The following DPYSL2 variants were observed in gnomAD, a reference collection of about 807,000 sequenced individuals.
DPYSL2 encodes dihydropyrimidinase like 2.
In DPYSL2, 13 loss-of-function variants were observed where a neutral mutation model predicts 69.9. The observed-to-expected ratio is 0.19, with a 90% confidence interval of 0.12 to 0.30. The LOEUF is 0.30. DPYSL2 is among the 10% of genes least tolerant of loss of function. The probability of loss-of-function intolerance (pLI) is 1.00; values close to 1 mark genes in which losing one functional copy is unlikely to be tolerated. For missense variants in DPYSL2, 587 were observed against 918.9 expected (o/e 0.64, Z 4.67); for synonymous variants, 326 against 359.1 (o/e 0.91, Z 1.04).
At chr8:26,584,613 CTTTTTTTTTTTTT>C (rs35587383) in intron 3 of DPYSL2, among the ~76,000 whole-genome samples, 1 of 100,138 alleles carries the variant, frequency 1.0e-5, no homozygotes, top group Non-Finnish European at 2.0e-5. Context: ...GGGCTTTGTG[CTTTTTTTTTTTTT>C]TTTTTTTTTT....
chr8:26,545,447 G>A (rs1003729251), intron 1 of DPYSL2, among the ~76,000 whole-genome samples: 2 of 152,148 alleles, frequency 1.3e-5, no homozygotes, highest in Non-Finnish European at 2.9e-5. Flanking sequence ...AATTTAAAAA[G>A]TGTCTTAGCG....
At chr8:26,568,868 GA>G (rs1365215286) in intron 1 of DPYSL2, among the ~76,000 whole-genome samples, 1 of 152,162 alleles carries the variant, frequency 6.6e-6, no homozygotes, top group Non-Finnish European at 1.5e-5. Context: ...GTGCGGGATT[GA>G]AAAGAGGAAC....
chr8:26,611,666 TCTGCATGGACC>T (rs1563409046), intron 3 of DPYSL2, among the ~76,000 whole-genome samples: 1 of 152,184 alleles, frequency 6.6e-6, no homozygotes, highest in Non-Finnish European at 1.5e-5. Flanking sequence ...TTGGAGAAAT[TCTGCATGGACC>T]TGAAGTTTGA....
intron 1 of DPYSL2, among the ~76,000 whole-genome samples, chr8:26,551,873 G>T (rs950637951): frequency 1.3e-5 from 2 of 152,132 alleles, no homozygotes; most frequent in Non-Finnish European, 2.9e-5. Context: ...GAGTGTAGTG[G>T]CATAATCATA....
At chr8:26,630,040 A>G (rs1802727758) in intron 7 of DPYSL2, among the ~76,000 whole-genome samples, 1 of 151,960 alleles carries the variant, frequency 6.6e-6, no homozygotes, top group Admixed American at 6.5e-5. Flanking sequence ...GACACATTTT[A>G]GCATACGCAC....
At chr8:26,529,276 C>CTATCTATCATCTATCTATCT (rs1554531948) in intron 1 of DPYSL2, among the ~76,000 whole-genome samples, 2 of 136,390 alleles carry the variant, frequency 1.5e-5, no homozygotes, top group African/African-American at 5.6e-5. Context: ...ATCTATCTAT[C>CTATCTATCATCTATCTATCT]ATCTATCTAT....
At chr8:26,555,760 A>C (rs1800935526) in intron 1 of DPYSL2, among the ~76,000 whole-genome samples, 2 of 150,384 alleles carry the variant, frequency 1.3e-5, no homozygotes, top group African/African-American at 2.5e-5. Context: ...GGGGGCGTGC[A>C]CCTGTAGTCC....
At chr8:26,520,690 T>C (rs755355923) in intron 1 of DPYSL2, among the ~76,000 whole-genome samples, 2 of 152,242 alleles carry the variant, frequency 1.3e-5, no homozygotes, top group Non-Finnish European at 2.9e-5. Context: ...CAGTGTAATT[T>C]TTCTACTTGA....
intron 1 of DPYSL2, among the ~76,000 whole-genome samples, chr8:26,542,513 G>A (rs187730642): frequency 3.6e-4 from 55 of 151,926 alleles, no homozygotes; most frequent in African/African-American, 9.7e-4. Context: ...CCTCAACCTC[G>A]TGGGCTCAAG....
chr8:26,526,982 T>A (rs1808488952), intron 1 of DPYSL2, among the ~76,000 whole-genome samples: 1 of 152,252 alleles, frequency 6.6e-6, no homozygotes, highest in Non-Finnish European at 1.5e-5. Flanking sequence ...CAGATGAGAC[T>A]GAGGCTAATG....
rs1029426327 is a variant in DPYSL2, at chr8:26,652,087, G to A, written c.1597-170G>A. ...AAAAAGTTATTTCATATTCTAGACA[G>A]GGAAATGGAGACACAGCAAGTAAGT... On this transcript the variant is annotated intron_variant, in intron 11 of 13. Coordinates refer to ENST00000521913, the MANE Select transcript of DPYSL2 (RefSeq NM_001197293.3). This position sits in a 1 kb window ranked among gnomAD's most constrained non-coding sequence, Gnocchi z 6.3. Among the ~76,000 whole-genome samples, 4 of 152,156 alleles carry A rather than the reference G, an allele frequency of 2.6e-5. No homozygotes were observed. The highest frequency in any genetic ancestry group is 5.9e-5 in the Non-Finnish European group (4 of 68,024).
At chr8:26,634,948 G>T in intron 8 of DPYSL2, 48 bp downstream of exon 8, 1 of 1,609,862 alleles carries the variant, frequency 6.2e-7, no homozygotes, top group South Asian at 1.1e-5. Context: ...GAGGTTTGGA[G>T]GGGAGGGGGG....
intron 8 of DPYSL2, among the ~76,000 whole-genome samples, chr8:26,638,582 T>C (rs927217134): frequency 6.6e-6 from 1 of 152,150 alleles, no homozygotes; most frequent in Non-Finnish European, 1.5e-5. Flanking sequence ...CATCAGCCGC[T>C]CTGTGGCTGT....
intron 8 of DPYSL2, among the ~76,000 whole-genome samples, chr8:26,638,594 C>A (rs1585565972): frequency 6.6e-6 from 1 of 152,210 alleles, no homozygotes; most frequent in South Asian, 2.1e-4. Flanking sequence ...TGTGGCTGTT[C>A]AGCAGGATGG....
At chr8:26,536,812 G>A (rs1268863014) in intron 1 of DPYSL2, among the ~76,000 whole-genome samples, 1 of 152,200 alleles carries the variant, frequency 6.6e-6, no homozygotes, top group Non-Finnish European at 1.5e-5. Context: ...AGAGACAAAA[G>A]AGAGACATTT....
intron 1 of DPYSL2, among the ~76,000 whole-genome samples, chr8:26,557,004 A>G (rs928704728): frequency 2.6e-5 from 4 of 152,158 alleles, no homozygotes; most frequent in African/African-American, 7.2e-5. Context: ...ATGATGCTGG[A>G]ACAACTGGCC....
At chr8:26,602,115 A>G (rs1053584214) in intron 3 of DPYSL2, among the ~76,000 whole-genome samples, 26 of 150,022 alleles carry the variant, frequency 1.7e-4, no homozygotes, top group African/African-American at 6.4e-4. Context: ...ACAGGAATTT[A>G]TAAATTTTAT....
rs10094457 is a variant in DPYSL2, at chr8:26,551,556, C to G, written c.355-30413C>G. Among the ~76,000 whole-genome samples the G allele has an allele frequency of 6.6e-3, 1,006 of 152,254 alleles. 10 individuals are homozygous for G. Among genetic ancestry groups the G allele is most frequent in the African/African-American group, 0.023 (950 of 41,544 alleles). On this transcript the variant is annotated intron_variant, in intron 1 of 13. Coordinates refer to ENST00000521913, the MANE Select transcript of DPYSL2 (RefSeq NM_001197293.3). ...AGACAGAAAATCAGTAAGGACATAA[C>G]AGAACTAACACCATCAACTAAATGG...
At position 26,617,800 on chromosome 8, in the gene DPYSL2, A is replaced by G. The variant is rs1272343470; in HGVS notation, c.629-6343A>G. Among the ~76,000 whole-genome samples the G allele has an allele frequency of 2.6e-5, 4 of 152,200 alleles. No individual in the cohort carries two copies. The highest frequency in any genetic ancestry group is 7.2e-5 in the African/African-American group (3 of 41,450). On this transcript the variant is annotated intron_variant, in intron 3 of 13. Coordinates refer to ENST00000521913, the MANE Select transcript of DPYSL2 (RefSeq NM_001197293.3). This position sits in a 1 kb window ranked among gnomAD's most constrained non-coding sequence, Gnocchi z 4.7. ...GGAAATGTCCTGAATAAACAAATCT[A>G]TGGAGACGGGAAGTAGATTGATGGT...
Sources: allele counts gnomAD v4.1 joint callset (sites outside exome capture counted in the v4.1 genomes callset), GRCh38; gene constraint gnomAD v4.1.1; non-coding constraint Gnocchi (gnomAD v3.1); transcripts MANE v1.5; gene names NCBI Gene and HGNC (gene_info 2026-07-23, HGNC 2026-07-21).